The following POLRMT variants were observed in gnomAD, a reference collection of about 807,000 sequenced individuals.
The protein encoded by POLRMT is DNA-directed RNA polymerase, mitochondrial.
In POLRMT, 114 loss-of-function variants were observed where a neutral mutation model predicts 132.2. That is an observed-to-expected ratio of 0.86 (90% CI 0.74 to 1.01). The LOEUF is 1.01. Ranked by LOEUF, POLRMT falls within the 50% of genes least tolerant of loss-of-function variation. POLRMT has a pLI of 0.00. For missense variants in POLRMT, 2,003 were observed against 1,729.1 expected (o/e 1.16, Z -2.81); for synonymous variants, 1,020 against 773.4 (o/e 1.32, Z -5.29).
chr19:625,254 C>T lies in POLRMT; in HGVS notation c.823G>A (p.Gly275Ser), dbSNP rs576840960. 17 of 1,613,646 alleles carry T rather than the reference C, an allele frequency of 1.1e-5. No homozygotes were observed. The African/African-American group carries it at 2.3e-4, about 22-fold the overall frequency. The change falls in exon 4 of 21, where the codon GGT becomes AGT. Residue 275 changes from glycine (G) to serine (S), a missense_variant and splice_region_variant. Coordinates refer to ENST00000588649, the MANE Select transcript of POLRMT (RefSeq NM_005035.4). ...NAVMLGWARQ[G>S]AFKELVYVLF... ...ACATATACCAGCTCCTTGAAGGCACCCTGGGAGACCAAGCCAGGGTGAGGG... is the reference window on the plus strand; with the variant it reads ...ACATATACCAGCTCCTTGAAGGCACTCTGGGAGACCAAGCCAGGGTGAGGG...
chr19:618,226 A>G, intron 17 of POLRMT: 3 of 546,736 alleles, frequency 5.5e-6, no homozygotes, highest in Admixed American at 3.2e-5. Context: ...CTAACCACAC[A>G]TCGCGGTGCC....
In POLRMT at chr19:622,343, A is replaced by C; in HGVS notation, c.1657T>G (p.Trp553Gly). 1 of 1,556,552 alleles carries C rather than the reference A, an allele frequency of 6.4e-7. No individual in the cohort carries two copies. The highest frequency in any genetic ancestry group is 8.7e-7 in the Non-Finnish European group (1 of 1,152,386). The change falls in exon 9 of 21, where the codon TGG becomes GGG. Residue 553 changes from tryptophan to glycine, a missense_variant. Transcript: ENST00000588649. ...GCCTCGGGCGCCCCCAGCTCCTCCCAGTACTGCCGCGGCAGGCAGGGCTCG... is the reference window on the plus strand; with the variant it reads ...GCCTCGGGCGCCCCCAGCTCCTCCCCGTACTGCCGCGGCAGGCAGGGCTCG... Reference protein sequence around the residue: ...VPEPCLPRQYWEELGAPEALR... With the variant: ...VPEPCLPRQYGEELGAPEALR...
intron 11 of POLRMT, 116 bp downstream of exon 11, chr19:620,249 C>T (rs774105740): frequency 3.1e-5 from 45 of 1,458,536 alleles, no homozygotes; most frequent in South Asian, 6.9e-5. Context: ...CTCCCGCACA[C>T]TCTAGGACCA....
intron 3 of POLRMT, among the ~76,000 whole-genome samples, chr19:628,020 C>T (rs1306906685): frequency 5.3e-5 from 8 of 151,986 alleles, no homozygotes; most frequent in Non-Finnish European, 4.4e-5. Flanking sequence ...AAACAATTAT[C>T]CGGGGGTGGT....
Position 617,834 on chromosome 19 carries a change from G to A in POLRMT, c.3438C>T (p.Phe1146=), listed in dbSNP as rs374257003. The change falls in exon 18 of 21, where the codon TTC becomes TTT. Residue 1146 remains phenylalanine (F), a synonymous_variant. Transcript: ENST00000588649. ...TCCAGTAACAGTCGTGCACAGAGAC[G>A]AAGGTCAGGCCCTTCCTGTGGCAGA... ...ALHCYRKGLT[F]VSVHDCYWTH... 4.8e-5 allele frequency: 77 copies of A among 1,613,122 alleles called. No individual in the cohort carries two copies. Among genetic ancestry groups the A allele is most frequent in the East Asian group, 1.8e-4 (8 of 44,884 alleles).
intron 17 of POLRMT, chr19:618,142 C>G (rs938133552): frequency 1.8e-5 from 10 of 566,508 alleles, no homozygotes; most frequent in Non-Finnish European, 2.8e-5. Context: ...CCAGGGCCAC[C>G]ACCCCGCATC....
chr19:620,639 C>T (rs1388552430), intron 10 of POLRMT, 152 bp from the exon 11 acceptor site: 7 of 1,019,460 alleles, frequency 6.9e-6, no homozygotes, highest in Admixed American at 3.3e-5. Context: ...GGGGCGGTGG[C>T]TGGATGAGTT....
chr19:632,531 G>C (rs1006271948), intron 2 of POLRMT, among the ~76,000 whole-genome samples: 3 of 118,152 alleles, frequency 2.5e-5, no homozygotes, highest in Admixed American at 1.5e-4. Flanking sequence ...CCTTGGCGGC[G>C]GGGCCGGGGG....
At chr19:617,679 CA>C in intron 18 of POLRMT, 24 bp from the exon 19 acceptor site, 7 of 1,612,482 alleles carry the variant, frequency 4.3e-6, no homozygotes, top group Non-Finnish European at 5.9e-6. Context: ...AGAGGATCCC[CA>C]GGGGTGATCA....
chr19:620,535 G>A (rs747417708), intron 10 of POLRMT, 48 bp from the exon 11 acceptor site: 246 of 1,483,338 alleles, frequency 1.7e-4, no homozygotes, highest in Non-Finnish European at 2.0e-4. Context: ...CCCGATCCCT[G>A]AGCCCGCTGG....
intron 17 of POLRMT, chr19:618,207 G>A: frequency 1.8e-6 from 1 of 547,296 alleles, no homozygotes; most frequent in Non-Finnish European, 3.3e-6. Flanking sequence ...ACCTCCACGT[G>A]CTCCAGATCT....
Position 619,838 on chromosome 19 carries a change from C to T in POLRMT, c.2887-73G>A, listed in dbSNP as rs1385878122. ...CAGGGGCCACCAAGCACCCATGAAG[C>T]CCCCGCCCCAGCCCCACCACATCCT... On this transcript the variant is annotated intron_variant, in intron 12 of 20. Coordinates refer to ENST00000588649, the MANE Select transcript of POLRMT (RefSeq NM_005035.4). 5 of 1,552,026 alleles carry T rather than the reference C, an allele frequency of 3.2e-6. No homozygotes were observed. The African/African-American group carries it at 5.4e-5, about 17-fold the overall frequency.
chr19:629,418 T>C (rs896234136), intron 3 of POLRMT, 122 bp downstream of exon 3: 14 of 1,065,176 alleles, frequency 1.3e-5, no homozygotes, highest in East Asian at 2.8e-5. Flanking sequence ...CTAAAAGAAT[T>C]ATTAAAATAA....
Position 622,997 on chromosome 19 carries a change from G to A in POLRMT, c.1291-12C>T, listed in dbSNP as rs749522107. The A allele has an allele frequency of 9.9e-6, 16 of 1,610,890 alleles. No individual in the cohort carries two copies. In the South Asian group the frequency reaches 1.2e-4, roughly 12 times the overall value. On this transcript the variant is annotated splice_polypyrimidine_tract_variant and intron_variant, in intron 6 of 20. Coordinates refer to ENST00000588649, the MANE Select transcript of POLRMT (RefSeq NM_005035.4). Reference sequence around the variant, plus strand: ...TTCAGGGTCTTCCGCTGCGGGGGATGAACGGGCCCGGTGAGCCCCGTGGCA... The same window carrying A: ...TTCAGGGTCTTCCGCTGCGGGGGATAAACGGGCCCGGTGAGCCCCGTGGCA...
At chr19:617,686 G>T (rs752275492) in intron 18 of POLRMT, 31 bp from the exon 19 acceptor site, 1 of 1,612,184 alleles carries the variant, frequency 6.2e-7, no homozygotes, top group Admixed American at 1.7e-5. Flanking sequence ...CCCCAGGGGT[G>T]ATCAGGCAGG....
chr19:620,437 G>A lies in POLRMT; in HGVS notation c.2691C>T (p.Cys897=), dbSNP rs765201237. The change falls in exon 11 of 21, where the codon TGC becomes TGT. Residue 897 remains cysteine (C), a synonymous_variant. Coordinates refer to ENST00000588649, the MANE Select transcript of POLRMT (RefSeq NM_005035.4). ...GCACAGCGTTCGCCACCTCCATACA[G>A]CAGGCCAGCGTCTGCCAGGGTTCCT... ...GAEEPWQTLA[C]CMEVANAVRA... The A allele has an allele frequency of 1.3e-6, 2 of 1,599,052 alleles. No individual in the cohort carries two copies. The highest frequency in any genetic ancestry group is 1.7e-6 in the Non-Finnish European group (2 of 1,173,312).
chr19:624,937 G>A (rs749199854), intron 4 of POLRMT, 32 bp from the exon 5 acceptor site: 1 of 1,583,296 alleles, frequency 6.3e-7, no homozygotes, highest in South Asian at 1.1e-5. Flanking sequence ...CGAGGGACGG[G>A]CCAGCCCCAC....
In POLRMT at chr19:625,271, G is replaced by A. The variant is rs1399403070; in HGVS notation, c.823-17C>T. On this transcript the variant is annotated splice_polypyrimidine_tract_variant and intron_variant, in intron 3 of 20. Transcript: ENST00000588649. ...GAAGGCACCCTGGGAGACCAAGCCA[G>A]GGTGAGGGTCTGGGGGGATGGCCCA... The A allele has an allele frequency of 8.1e-6, 13 of 1,613,298 alleles. No individual in the cohort carries two copies. Among genetic ancestry groups the A allele is most frequent in the Non-Finnish European group, 1.0e-5 (12 of 1,179,728 alleles).
chr19:629,449 G>T, intron 3 of POLRMT, 91 bp downstream of exon 3: 1 of 1,243,136 alleles, frequency 8.0e-7, no homozygotes, highest in South Asian at 2.5e-5. Context: ...ACTTGAACCT[G>T]GGGGCTAAGA....
Sources: gnomAD v4.1 joint callset for allele counts (sites outside exome capture counted in the v4.1 genomes callset) on GRCh38, gnomAD v4.1.1 for gene constraint, MANE v1.5 for transcripts, NCBI Gene and HGNC (gene_info 2026-07-23, HGNC 2026-07-21) for gene names.